The following ANK1 variants were observed in gnomAD, a reference collection of about 807,000 sequenced individuals.
ANK1 encodes ankyrin 1.
ANK1 carries 51 observed loss-of-function variants against 210.4 expected under a neutral mutation model. The observed-to-expected ratio is 0.24, with a 90% CI of 0.19 to 0.31. The LOEUF is 0.31. Among genes scored for constraint, ANK1 ranks in the 10% least tolerant of loss-of-function variants. The pLI, the probability that ANK1 is intolerant of heterozygous loss-of-function variation, is 1.00. For missense variants in ANK1, 2,051 were observed against 2,504.4 expected, an observed-to-expected ratio of 0.82 and a Z score of 3.86; for synonymous variants, 967 against 1,025.9, an observed-to-expected ratio of 0.94 and a Z score of 1.10.
rs145475104 is a variant in ANK1, at chr8:41,802,821, G to A, written c.127-44684C>T. Among the ~76,000 whole-genome samples, 1,120 of 151,174 alleles carry A rather than the reference G, an allele frequency of 7.4e-3. 5 individuals are homozygous for A. Among genetic ancestry groups the A allele is most frequent in the Non-Finnish European group, 0.011 (780 of 67,866 alleles). On this transcript the variant is annotated intron_variant, in intron 1 of 42. Coordinates refer to the ANK1 transcript ENST00000265709. The stretch of plus-strand genomic sequence containing the variant: ...GCTACTGGGGAGGCTGAGGTGGGAG[G>A]ATCACCTGAGCCTGGGAAGTCATTG...
intron 14 of ANK1, 73 bp downstream of exon 14, chr8:41,715,579 A>G: frequency 6.4e-7 from 1 of 1,567,132 alleles, no homozygotes; most frequent in East Asian, 2.3e-5. Flanking sequence ...ACCAGGCAGG[A>G]ATTCCCCTCC....
intron 1 of ANK1, among the ~76,000 whole-genome samples, chr8:41,847,058 A>G (rs1364480603): frequency 6.6e-6 from 1 of 152,242 alleles, no homozygotes; most frequent in Non-Finnish European, 1.5e-5. Context: ...CTCACCTTCC[A>G]GTGAAGAAAC....
At chr8:41,832,034 C>T (rs1178023965) in intron 1 of ANK1, among the ~76,000 whole-genome samples, 1 of 152,066 alleles carries the variant, frequency 6.6e-6, no homozygotes, top group Non-Finnish European at 1.5e-5. Flanking sequence ...GATTTGCCTA[C>T]TGAGGGGCAG....
intron 1 of ANK1, among the ~76,000 whole-genome samples, chr8:41,840,534 A>C (rs948141464): frequency 2.6e-5 from 4 of 152,206 alleles, no homozygotes; most frequent in African/African-American, 9.7e-5. Flanking sequence ...TCAGAGGTCC[A>C]GGTGCCAGCA....
chr8:41,819,563 T>C (rs1238788454), intron 1 of ANK1, among the ~76,000 whole-genome samples: 2 of 152,202 alleles, frequency 1.3e-5, no homozygotes, highest in African/African-American at 4.8e-5. Flanking sequence ...CAATCTATGA[T>C]GCCAGGCAGG....
intron 20 of ANK1, 127 bp downstream of exon 20, chr8:41,703,914 G>C: frequency 1.2e-6 from 1 of 832,614 alleles, no homozygotes; most frequent in Admixed American, 1.9e-5. Context: ...GGTAGCTGTG[G>C]CTTTAGGGTG....
chr8:41,847,603 C>G (rs139825093), intron 1 of ANK1, among the ~76,000 whole-genome samples: 94 of 152,290 alleles, frequency 6.2e-4, no homozygotes, highest in South Asian at 1.4e-3. Flanking sequence ...TGAAAGATTA[C>G]TCATCTTCAT....
At chr8:41,768,611 CA>C (rs1300644755) in intron 1 of ANK1, among the ~76,000 whole-genome samples, 1 of 152,076 alleles carries the variant, frequency 6.6e-6, no homozygotes, top group Non-Finnish European at 1.5e-5. Context: ...CAAATTGATC[CA>C]AAGCCCTGCC....
intron 6 of ANK1, 138 bp from the exon 7 acceptor site, chr8:41,724,692 G>A (rs1830221799): frequency 1.2e-6 from 1 of 810,104 alleles, no homozygotes; most frequent in Non-Finnish European, 2.0e-6. Flanking sequence ...GGAACATTTG[G>A]TGAGGGGGTC....
intron 1 of ANK1, among the ~76,000 whole-genome samples, chr8:41,873,459 C>T (rs1587550457): frequency 6.6e-6 from 1 of 152,246 alleles, no homozygotes; most frequent in South Asian, 2.1e-4. Context: ...GCCTCCAAGT[C>T]ACCCTATTAT....
rs1190522512 is a variant in ANK1 at position 41,695,205 on chromosome 8, C to T, written c.3087G>A (p.Leu1029=). The stretch of plus-strand genomic sequence containing the variant: ...CGTCCATCCCGTTGAGGATCTGATC[C>T]AGGTAGCTCTCTCCATAGCGGCTCC... The part of the protein sequence containing the change: ...EHRSRYGESY[L]DQILNGMDEE... The change falls in exon 27 of 43, where the codon CTG becomes CTA. Residue 1029 remains leucine (L), a synonymous_variant. Transcript: ENST00000289734. 2.5e-6 allele frequency: 4 copies of T among 1,614,074 alleles called. No individual in the cohort carries two copies. The highest frequency in any genetic ancestry group is 1.3e-5 in the African/African-American group (1 of 74,942).
At chr8:41,846,794 C>CG (rs2150808655) in intron 1 of ANK1, among the ~76,000 whole-genome samples, 1 of 152,278 alleles carries the variant, frequency 6.6e-6, no homozygotes, top group South Asian at 2.1e-4. Context: ...CTTTTTCCCA[C>CG]ACCCTCCCAC....
chr8:41,798,920 T>C (rs961013043), upstream of ANK1, among the ~76,000 whole-genome samples: 2 of 152,262 alleles, frequency 1.3e-5, no homozygotes, highest in East Asian at 3.9e-4. Context: ...CAAACTGGCC[T>C]TGCCATGAGG....
At chr8:41,706,995 G>A (rs1446272801) in intron 17 of ANK1, among the ~76,000 whole-genome samples, 2 of 152,224 alleles carry the variant, frequency 1.3e-5, no homozygotes, top group Admixed American at 6.5e-5. Context: ...AGCTACTTGG[G>A]TGGCTGAGGC....
At chr8:41,860,133 G>A (rs895384094) in intron 1 of ANK1, among the ~76,000 whole-genome samples, 7 of 152,194 alleles carry the variant, frequency 4.6e-5, no homozygotes, top group Non-Finnish European at 1.0e-4. Context: ...TGGGGTGGGG[G>A]CTGGAGGGGG....
intron 8 of ANK1, 73 bp downstream of exon 8, chr8:41,723,462 C>T (rs1829808078): frequency 4.5e-6 from 7 of 1,550,546 alleles, no homozygotes; most frequent in African/African-American, 1.4e-5. Context: ...ACCAAGGGCC[C>T]GCTGCTCTGG....
At chr8:41,707,542 G>A (rs970670157) in intron 17 of ANK1, among the ~76,000 whole-genome samples, 10 of 152,176 alleles carry the variant, frequency 6.6e-5, no homozygotes, top group Non-Finnish European at 8.8e-5. Context: ...AACAGCCCTC[G>A]GTTGAGGAGT....
At chr8:41,887,692 G>C (rs1818704948) in intron 1 of ANK1, among the ~76,000 whole-genome samples, 1 of 152,156 alleles carries the variant, frequency 6.6e-6, no homozygotes, top group East Asian at 1.9e-4. Flanking sequence ...GGCTACTCTG[G>C]CCCTGAGTCT....
At chr8:41,761,147 A>C (rs1385380209) in intron 1 of ANK1, among the ~76,000 whole-genome samples, 1 of 150,352 alleles carries the variant, frequency 6.7e-6, no homozygotes, top group African/African-American at 2.5e-5. Context: ...ACACACATGC[A>C]TGCACATATA....
Sources: allele counts gnomAD v4.1 joint callset (sites outside exome capture counted in the v4.1 genomes callset), GRCh38; gene constraint gnomAD v4.1.1; transcripts MANE v1.5; gene names NCBI Gene and HGNC (gene_info 2026-07-23, HGNC 2026-07-21).